Variants in TYW1 observed in about 807,000 individuals in gnomAD.
TYW1 encodes S-adenosyl-L-methionine-dependent tRNA 4-demethylwyosine synthase TYW1.
Under a neutral mutation model 96.2 loss-of-function variants are expected in TYW1, and 46 were observed. That is an observed-to-expected ratio of 0.48 (90% CI 0.38 to 0.61). TYW1 has a LOEUF of 0.61. TYW1 is among the 20% of genes least tolerant of loss of function. The probability of loss-of-function intolerance (pLI) is 0.00; values close to 1 mark genes in which losing one functional copy is unlikely to be tolerated. For synonymous variants in TYW1, 274 were observed against 323.0 expected, an observed-to-expected ratio of 0.85 and a Z score of 1.63; for missense variants, 684 against 909.6, an observed-to-expected ratio of 0.75 and a Z score of 3.19.
At chr7:67,177,665 G>A (rs1049539497) in intron 13 of TYW1, among the ~76,000 whole-genome samples, 1 of 152,204 alleles carries the variant, frequency 6.6e-6, no homozygotes, top group Non-Finnish European at 1.5e-5. Flanking sequence ...CAAAAGTGGT[G>A]AAAACTAGCA....
intron 9 of TYW1, among the ~76,000 whole-genome samples, chr7:67,062,600 A>G (rs1022848109): frequency 7.3e-5 from 11 of 151,630 alleles, no homozygotes; most frequent in African/African-American, 2.4e-4. Context: ...AACACAAATC[A>G]TCAGTATCAG....
chr7:67,158,793 G>C (rs1042246546), intron 13 of TYW1, among the ~76,000 whole-genome samples: 2 of 150,994 alleles, frequency 1.3e-5, no homozygotes, highest in African/African-American at 4.9e-5. Flanking sequence ...GGATGGTCTC[G>C]ATCTCCTGAC....
chr7:67,091,633 C>T (rs559867815), intron 11 of TYW1, among the ~76,000 whole-genome samples: 4 of 152,242 alleles, frequency 2.6e-5, no homozygotes, highest in African/African-American at 9.6e-5. Flanking sequence ...TGCAAGAAGA[C>T]ATGAAGTGGA....
chr7:67,021,784 A>G (rs1794287536), intron 6 of TYW1, among the ~76,000 whole-genome samples: 1 of 152,228 alleles, frequency 6.6e-6, no homozygotes. Flanking sequence ...TGTGAAGATG[A>G]AATAGGTTCC....
chr7:67,087,694 A>G (rs1796591646), intron 11 of TYW1, among the ~76,000 whole-genome samples: 1 of 152,162 alleles, frequency 6.6e-6, no homozygotes, highest in Admixed American at 6.6e-5. Flanking sequence ...AAGGGTTTTC[A>G]GAGTGGAACT....
intron 15 of TYW1, among the ~76,000 whole-genome samples, chr7:67,206,622 C>CATAAATAAATAA (rs10622608): frequency 3.8e-4 from 54 of 143,506 alleles, no homozygotes; most frequent in South Asian, 6.8e-4. Flanking sequence ...CTGTCTCAAA[C>CATAAATAAATAA]ATAAATAAAT....
chr7:67,144,081 T>C (rs955461697), intron 13 of TYW1, among the ~76,000 whole-genome samples: 1 of 152,258 alleles, frequency 6.6e-6, no homozygotes, highest in Non-Finnish European at 1.5e-5. Context: ...AGGTCATTAA[T>C]GTAGCAGTGG....
intron 6 of TYW1, among the ~76,000 whole-genome samples, chr7:67,019,694 A>G (rs760874468): frequency 1.3e-5 from 2 of 152,298 alleles, no homozygotes; most frequent in Non-Finnish European, 2.9e-5. Context: ...GCTGTCTCAG[A>G]CACACTTTGC....
rs905445966 is a variant in TYW1, at chr7:67,104,294, G to C, written c.1562+5576G>C. Among the ~76,000 whole-genome samples, 4 of 152,186 alleles carry C rather than the reference G, an allele frequency of 2.6e-5. No individual in the cohort carries two copies. The East Asian group carries it at 5.8e-4, about 22-fold the overall frequency. ...TAATTGGCTCACAGTTCTGCGGGCT[G>C]TACAGGAAGCACGGCAGGGGAGGCC... On this transcript the variant is annotated intron_variant, in intron 12 of 15. Coordinates refer to ENST00000359626, the MANE Select transcript of TYW1 (RefSeq NM_018264.4).
At chr7:67,167,394 G>A (rs1317852149) in intron 13 of TYW1, among the ~76,000 whole-genome samples, 7 of 147,704 alleles carry the variant, frequency 4.7e-5, no homozygotes, top group Admixed American at 1.4e-4. Flanking sequence ...GCTTGAACTT[G>A]GGAGGCAGAG....
chr7:67,010,059 T>A (rs1372943065), intron 4 of TYW1, among the ~76,000 whole-genome samples: 1 of 151,430 alleles, frequency 6.6e-6, no homozygotes, highest in Admixed American at 6.6e-5. Context: ...CTCAGTTCAG[T>A]GCAATGTCCG....
At chr7:67,004,589 T>C (rs1161150465) in intron 3 of TYW1, among the ~76,000 whole-genome samples, 2 of 152,246 alleles carry the variant, frequency 1.3e-5, no homozygotes. Context: ...CTTTTTATGG[T>C]GGCCCATAAC....
intron 3 of TYW1, 67 bp from the exon 4 acceptor site, chr7:67,009,516 C>G: frequency 7.2e-7 from 1 of 1,390,890 alleles, no homozygotes; most frequent in Non-Finnish European, 1.0e-6. Flanking sequence ...CTTGTGCCAA[C>G]AGGGGTAATG....
chr7:67,148,149 T>C (rs1474318651), intron 13 of TYW1, among the ~76,000 whole-genome samples: 1 of 151,890 alleles, frequency 6.6e-6, no homozygotes, highest in Admixed American at 6.6e-5. Context: ...TATTGGTCTG[T>C]TGGTTTGAAG....
chr7:67,220,201 A>ATTTTTTTTTTTTTTTTTTTTTTTTTTT (rs57595328), intron 15 of TYW1, among the ~76,000 whole-genome samples: 1 of 93,170 alleles, frequency 1.1e-5, no homozygotes, highest in African/African-American at 4.5e-5. Flanking sequence ...TCATTTATTG[A>ATTTTTTTTTTTTTTTTTTTTTTTTTTT]TTTTTTTTTT....
intron 6 of TYW1, among the ~76,000 whole-genome samples, chr7:67,023,750 A>T (rs1288705636): frequency 1.3e-5 from 2 of 152,172 alleles, no homozygotes; most frequent in African/African-American, 4.8e-5. Context: ...CCTGGGTGAC[A>T]GAGCAAGACT....
At position 67,179,863 on chromosome 7, in the gene TYW1, A is replaced by ATT. The variant is rs1449253337; in HGVS notation, c.1699-3262_1699-3261insTT. On this transcript the variant is annotated intron_variant, in intron 13 of 15. Coordinates refer to ENST00000359626, the MANE Select transcript of TYW1 (RefSeq NM_018264.4). ...TCATTAGGAATATATATATATATATATATTTTTTTTTTTTGGCGGGGGACA... is the reference window on the plus strand; with the variant it reads ...TCATTAGGAATATATATATATATATATTTATTTTTTTTTTTTGGCGGGGGACA... Among the ~76,000 whole-genome samples, 133 of 75,168 alleles carry ATT rather than the reference A, an allele frequency of 1.8e-3. 12 individuals are homozygous for ATT. Among genetic ancestry groups the ATT allele is most frequent in the Middle Eastern group, 0.015 (2 of 134 alleles). 49.3% of individuals were successfully genotyped at this position (75,168 alleles called of 152,430 possible). A position where few individuals can be genotyped will look rare whatever the true frequency, so the allele number is the denominator to read the frequency against.
intron 7 of TYW1, among the ~76,000 whole-genome samples, chr7:67,028,008 G>A (rs1471309759): frequency 6.6e-6 from 1 of 151,596 alleles, no homozygotes; most frequent in Non-Finnish European, 1.5e-5. Context: ...GCCGAGGTGG[G>A]TGGATTGCTT....
At chr7:67,107,295 A>T (rs769918065) in intron 12 of TYW1, among the ~76,000 whole-genome samples, 6 of 152,228 alleles carry the variant, frequency 3.9e-5, no homozygotes, top group Admixed American at 2.0e-4. Context: ...CAGTAGAAGT[A>T]AATACGGCCT....
Sources: allele counts gnomAD v4.1 joint callset (sites outside exome capture counted in the v4.1 genomes callset), GRCh38; gene constraint gnomAD v4.1.1; transcripts MANE v1.5; gene names NCBI Gene and HGNC (gene_info 2026-07-23, HGNC 2026-07-21).